The following ATF7 variants were observed in gnomAD, a reference collection of about 807,000 sequenced individuals.
ATF7 encodes cyclic AMP-dependent transcription factor ATF-7.
Under a neutral mutation model 50.4 loss-of-function variants are expected in ATF7, and 10 were observed. That is an observed-to-expected ratio of 0.20 (90% CI 0.12 to 0.34). The LOEUF is 0.34. Among genes scored for constraint, ATF7 ranks in the 10% least tolerant of loss-of-function variants. The pLI is 1.00. For synonymous variants in ATF7, 201 were observed against 226.4 expected, an observed-to-expected ratio of 0.89 and a Z score of 1.01; for missense variants, 465 against 613.9, an observed-to-expected ratio of 0.76 and a Z score of 2.56.
chr12:53,588,721 A>G (rs1942825978), intron 2 of ATF7, among the ~76,000 whole-genome samples: 1 of 152,192 alleles, frequency 6.6e-6, no homozygotes, highest in Non-Finnish European at 1.5e-5. Context: ...CCTTGATTTT[A>G]GGTCCCAGGT....
intron 9 of ATF7, among the ~76,000 whole-genome samples, chr12:53,531,422 CAAAA>C (rs541415026): frequency 3.2e-5 from 2 of 61,792 alleles, no homozygotes; most frequent in Admixed American, 1.9e-4. Flanking sequence ...AACTCCATCT[CAAAA>C]AAAAAAAAAA....
chr12:53,576,860 G>A (rs1297506436), intron 2 of ATF7, among the ~76,000 whole-genome samples: 1 of 152,070 alleles, frequency 6.6e-6, no homozygotes, highest in African/African-American at 2.4e-5. Context: ...TTAAAGACCA[G>A]CCTGGCCAAC....
chr12:53,574,761 G>A (rs1941961958), intron 2 of ATF7: 1 of 193,264 alleles, frequency 5.2e-6, no homozygotes, highest in South Asian at 8.6e-5. Context: ...GTAAGCTCAA[G>A]GGGAAGCTTA....
intron 1 of ATF7, among the ~76,000 whole-genome samples, chr12:53,610,768 T>G (rs554112714): frequency 7.2e-5 from 11 of 152,272 alleles, no homozygotes; most frequent in African/African-American, 2.4e-4. Context: ...AGGGGCTACA[T>G]GTTCTGGGGT....
chr12:53,533,439 T>C (rs1414780107), intron 6 of ATF7, among the ~76,000 whole-genome samples, 180 bp from the exon 7 acceptor site: 1 of 152,182 alleles, frequency 6.6e-6, no homozygotes, highest in Non-Finnish European at 1.5e-5. Context: ...ACTTACCTTA[T>C]AGATGGAGAA....
At chr12:53,613,503 T>C (rs1943984583) in intron 1 of ATF7, among the ~76,000 whole-genome samples, 1 of 152,108 alleles carries the variant, frequency 6.6e-6, no homozygotes, top group Admixed American at 6.6e-5. Flanking sequence ...AAATGCTCTT[T>C]GGAGTCCTCA....
chr12:53,565,560 T>C (rs1049580144), intron 2 of ATF7, among the ~76,000 whole-genome samples: 1 of 152,190 alleles, frequency 6.6e-6, no homozygotes, highest in East Asian at 1.9e-4. Flanking sequence ...TGGCATGATA[T>C]TGGCTAACTG....
chr12:53,562,806 C>A (rs1043972884), intron 2 of ATF7, among the ~76,000 whole-genome samples: 1 of 151,856 alleles, frequency 6.6e-6, no homozygotes, highest in Non-Finnish European at 1.5e-5. Flanking sequence ...GCAAGAAGAT[C>A]AGAGTAAGAA....
Position 53,524,664 on chromosome 12 carries a change from T to G in ATF7, c.1025A>C (p.Asn342Thr), listed in dbSNP as rs1309875882. 1 of 1,613,700 alleles carries G rather than the reference T, an allele frequency of 6.2e-7. No individual in the cohort carries two copies. Among genetic ancestry groups the G allele is most frequent in the Non-Finnish European group, 8.5e-7 (1 of 1,179,896 alleles). Reference protein sequence around the residue: ...DERRQRFLERNRAAASRCRQK... With the variant: ...DERRQRFLERTRAAASRCRQK... Reference sequence around the variant, plus strand: ...GCGGCAGCGGGAGGCTGCAGCCCGGTTGCGCTCCAGAAAGCGCTGCCGTCG... The same window carrying G: ...GCGGCAGCGGGAGGCTGCAGCCCGGGTGCGCTCCAGAAAGCGCTGCCGTCG... Residue 342 changes from asparagine (N) to threonine (T), a missense_variant, in exon 10 of 12, where the codon AAC becomes ACC. By Grantham distance (65) the Asn-to-Thr change is moderately conservative. Transcript: ENST00000420353. The surrounding 1 kb of genome is among the most constrained non-coding windows in gnomAD (Gnocchi z 4.6).
intron 1 of ATF7, among the ~76,000 whole-genome samples, chr12:53,613,977 G>C (rs921016714): frequency 2.0e-5 from 3 of 152,050 alleles, no homozygotes; most frequent in African/African-American, 7.2e-5. Context: ...CAGACATGCA[G>C]AAACTGGCTT....
intron 2 of ATF7, among the ~76,000 whole-genome samples, chr12:53,575,184 G>A (rs900004362): frequency 4.0e-5 from 6 of 151,778 alleles, no homozygotes; most frequent in Admixed American, 6.6e-5. Context: ...GAGGCAGGCG[G>A]ATCACCTGAG....
At chr12:53,625,285 G>A (rs1022101907) in intron 1 of ATF7, among the ~76,000 whole-genome samples, 3 of 152,158 alleles carry the variant, frequency 2.0e-5, no homozygotes, top group Non-Finnish European at 4.4e-5. Flanking sequence ...TAATAGAAGA[G>A]AGGGAGAAGG....
At chr12:53,555,573 C>T (rs1592860199) in intron 2 of ATF7, among the ~76,000 whole-genome samples, 2 of 137,660 alleles carry the variant, frequency 1.5e-5, no homozygotes, top group Admixed American at 7.7e-5. Context: ...TGCAATGGCA[C>T]GATCTCAGCT....
intron 1 of ATF7, among the ~76,000 whole-genome samples, chr12:53,612,873 G>A (rs779471114): frequency 1.2e-4 from 18 of 152,024 alleles, no homozygotes; most frequent in South Asian, 6.2e-4. Context: ...GCATGGTAGC[G>A]CGCACCTGTA....
intron 11 of ATF7, among the ~76,000 whole-genome samples, chr12:53,521,211 C>T (rs1022068671): frequency 3.9e-5 from 6 of 152,166 alleles, no homozygotes; most frequent in African/African-American, 1.2e-4. Context: ...AGGCTGGTCT[C>T]GAACTCTCGA....
intron 11 of ATF7, chr12:53,517,585 T>C: frequency 1.8e-6 from 1 of 557,712 alleles, no homozygotes; most frequent in Non-Finnish European, 3.2e-6. Flanking sequence ...TCTATTCCAA[T>C]AAAATGAATC....
intron 2 of ATF7, among the ~76,000 whole-genome samples, chr12:53,580,663 CAAAAAA>C (rs539252431): frequency 2.7e-5 from 1 of 37,710 alleles, no homozygotes; most frequent in African/African-American, 1.0e-4. Context: ...GACTCCATCT[CAAAAAA>C]AAAAAAAAAA....
chr12:53,532,388 G>A (rs1938954709), intron 8 of ATF7, 122 bp downstream of exon 8: 1 of 720,840 alleles, frequency 1.4e-6, no homozygotes, highest in African/African-American at 1.8e-5. Flanking sequence ...CCCCACAGCA[G>A]GGAGTCCTTA....
At chr12:53,526,208 C>CAA (rs558563596) in intron 9 of ATF7, among the ~76,000 whole-genome samples, 78 of 120,928 alleles carry the variant, frequency 6.5e-4, no homozygotes, top group Admixed American at 7.7e-4. Context: ...AACTCGGTCT[C>CAA]AAAAAAAAAA....
Sources: allele counts gnomAD v4.1 joint callset (sites outside exome capture counted in the v4.1 genomes callset), GRCh38; gene constraint gnomAD v4.1.1; non-coding constraint Gnocchi (gnomAD v3.1); transcripts MANE v1.5; gene names NCBI Gene and HGNC (gene_info 2026-07-23, HGNC 2026-07-21).